Variants in BTAF1 observed in about 807,000 individuals in gnomAD.
The protein encoded by BTAF1 is TATA-binding protein-associated factor 172.
Under a neutral mutation model 227.1 loss-of-function variants are expected in BTAF1, and 38 were observed. That is an observed-to-expected ratio of 0.17 (90% CI 0.13 to 0.22). The LOEUF (loss-of-function observed/expected upper bound fraction) is 0.22, where lower values mean the gene tolerates loss of function less well. Ranked by LOEUF, BTAF1 falls within the 10% of genes least tolerant of loss-of-function variation. The pLI, the probability that BTAF1 is intolerant of heterozygous loss-of-function variation, is 1.00. For missense variants in BTAF1, 1,598 were observed against 2,204.0 expected (o/e 0.73, Z 5.51); for synonymous variants, 742 against 751.9 (o/e 0.99, Z 0.21).
intron 33 of BTAF1, among the ~76,000 whole-genome samples, chr10:92,017,682 A>T (rs1403220524): frequency 1.3e-5 from 2 of 151,714 alleles, no homozygotes; most frequent in Admixed American, 6.6e-5. Flanking sequence ...GCTAATTTTT[A>T]AAAATTTTTT....
At chr10:92,026,535 A>G in intron 35 of BTAF1, 57 bp from the exon 36 acceptor site, 1 of 1,357,882 alleles carries the variant, frequency 7.4e-7, no homozygotes, top group Non-Finnish European at 1.0e-6. Flanking sequence ...TTTTATTAAC[A>G]GTTTCTGTTA....
intron 2 of BTAF1, among the ~76,000 whole-genome samples, chr10:91,938,344 AG>A (rs1844772874): frequency 6.6e-6 from 1 of 152,168 alleles, no homozygotes; most frequent in South Asian, 2.1e-4. Flanking sequence ...GCCTAATCCA[AG>A]GTGACAAAGA....
intron 28 of BTAF1, among the ~76,000 whole-genome samples, chr10:92,010,275 C>T (rs1247561626): frequency 6.6e-6 from 1 of 152,190 alleles, no homozygotes. Flanking sequence ...AACTTGCACT[C>T]TTGAGCAGTT....
At chr10:91,943,923 G>A (rs903965327) in intron 4 of BTAF1, among the ~76,000 whole-genome samples, 4 of 152,128 alleles carry the variant, frequency 2.6e-5, no homozygotes, top group African/African-American at 9.7e-5. Flanking sequence ...GGACGAGACG[G>A]GCAGTTCACC....
At position 91,962,537 on chromosome 10, in the gene BTAF1, G is replaced by T; in HGVS notation, c.1264-1G>T. The T allele has an allele frequency of 6.6e-7, 1 of 1,525,444 alleles. No individual in the cohort carries two copies. Among genetic ancestry groups the T allele is most frequent in the Non-Finnish European group, 9.0e-7 (1 of 1,112,720 alleles). The allele number at this position is 1,525,444 out of a possible 1,614,324, so 94.5% of individuals were successfully genotyped here. A position where few individuals can be genotyped will look rare whatever the true frequency, so the allele number is the denominator to read the frequency against. On this transcript the variant is annotated splice_acceptor_variant, in intron 11 of 37. Transcript: ENST00000265990. LOFTEE classifies it high-confidence loss of function. The stretch of plus-strand genomic sequence containing the variant: ...ATTTATTTTCATGTACTGTTTTACA[G>T]GATGTAATTAATACTTTATTGCCTA...
chr10:91,964,371 C>T (rs896051707), intron 13 of BTAF1, among the ~76,000 whole-genome samples, 170 bp downstream of exon 13: 1 of 152,066 alleles, frequency 6.6e-6, no homozygotes, highest in Non-Finnish European at 1.5e-5. Flanking sequence ...TCTAGCCATT[C>T]GGGCAGCAGC....
chr10:91,978,932 G>T (rs1365855703), intron 14 of BTAF1, among the ~76,000 whole-genome samples: 2 of 149,122 alleles, frequency 1.3e-5, no homozygotes, highest in Non-Finnish European at 3.0e-5. Flanking sequence ...TGCCACCTAG[G>T]TACTAAAGCT....
intron 6 of BTAF1, 46 bp from the exon 7 acceptor site, chr10:91,956,482 A>C: frequency 5.2e-6 from 8 of 1,546,736 alleles, no homozygotes; most frequent in Non-Finnish European, 7.0e-6. Context: ...ATTGTGGTTC[A>C]CATTACGCTT....
rs1851533183 is a variant in BTAF1, at chr10:92,026,588, T to A, written c.5076-4T>A. The stretch of plus-strand genomic sequence containing the variant: ...CTAATTTTATTTTTGTTATCTACTT[T>A]TAGGTTTAATAATGATCCATCTATA... On this transcript the variant is annotated splice_region_variant and splice_polypyrimidine_tract_variant and intron_variant, in intron 35 of 37. Transcript: ENST00000265990. 6.2e-7 allele frequency: 1 copy of A among 1,602,526 alleles called. No homozygotes were observed. The highest frequency in any genetic ancestry group is 1.3e-5 in the African/African-American group (1 of 74,506).
In BTAF1 at chr10:92,008,250, A is replaced by G. The variant is rs1460486408; in HGVS notation, c.3788A>G (p.Asn1263Ser). ...AATTATAAAATTCCAGTACCAATCA[A>G]TGCTGAACTCAGAAAATATCAGCAG... ...LENYKIPVPI[N>S]AELRKYQQDG... The change falls in exon 26 of 38, where the codon AAT (asparagine) becomes AGT (serine). Residue 1263 changes from asparagine (N) to serine (S), a missense_variant. By Grantham distance (46) the Asn-to-Ser change is conservative. Coordinates refer to ENST00000265990, the MANE Select transcript of BTAF1 (RefSeq NM_003972.3). The G allele has an allele frequency of 5.7e-6, 9 of 1,581,356 alleles. No homozygotes were observed. The highest frequency in any genetic ancestry group is 1.4e-5 in the African/African-American group (1 of 72,384).
intron 4 of BTAF1, among the ~76,000 whole-genome samples, chr10:91,948,619 C>T (rs887424138): frequency 8.6e-5 from 13 of 151,056 alleles, no homozygotes; most frequent in East Asian, 2.0e-4. Context: ...TGGCCTCAAG[C>T]GATTCTCCCA....
At chr10:91,942,634 T>G in intron 4 of BTAF1, 66 bp downstream of exon 4, 1 of 1,534,068 alleles carries the variant, frequency 6.5e-7, no homozygotes. Flanking sequence ...CACTGTGGTA[T>G]GCTGTTCATT....
At position 92,031,063 on chromosome 10, in the gene BTAF1, A is replaced by G. The variant is rs1446963249; in HGVS notation, c.*2130A>G. On this transcript the variant is annotated 3_prime_UTR_variant, in exon 38 of 38. Coordinates refer to ENST00000265990, the MANE Select transcript of BTAF1 (RefSeq NM_003972.3). ...TGGGAAGTCAAACAAGCATGATAGA[A>G]TGTTAACTATTTTAAACTGGGAATT... 6.6e-6 allele frequency among the ~76,000 whole-genome samples: 1 copy of G among 152,198 alleles called. No individual in the cohort carries two copies. Among genetic ancestry groups the G allele is most frequent in the Non-Finnish European group, 1.5e-5 (1 of 68,036 alleles).
intron 20 of BTAF1, 134 bp downstream of exon 20, chr10:91,989,714 T>C: frequency 1.1e-6 from 1 of 891,396 alleles, no homozygotes; most frequent in Non-Finnish European, 1.7e-6. Flanking sequence ...AAGGCTTGAT[T>C]ATAACAAAAC....
chr10:91,962,330 A>G (rs1484079332), intron 11 of BTAF1, among the ~76,000 whole-genome samples: 4 of 152,184 alleles, frequency 2.6e-5, no homozygotes, highest in Non-Finnish European at 5.9e-5. Flanking sequence ...TATAGGCTAT[A>G]CTGTTTAGGT....
chr10:91,990,087 G>T (rs946823655), intron 20 of BTAF1, among the ~76,000 whole-genome samples: 1 of 152,178 alleles, frequency 6.6e-6, no homozygotes, highest in Non-Finnish European at 1.5e-5. Flanking sequence ...TTCACTTGGA[G>T]AATTTGTATG....
chr10:91,995,165 G>T (rs758499229), intron 23 of BTAF1, among the ~76,000 whole-genome samples: 60 of 151,972 alleles, frequency 3.9e-4, no homozygotes, highest in Non-Finnish European at 5.4e-4. Context: ...GAATTATCTG[G>T]TTTTTTTCAT....
At chr10:91,928,236 C>T (rs1350936699) in intron 1 of BTAF1, among the ~76,000 whole-genome samples, 1 of 152,074 alleles carries the variant, frequency 6.6e-6, no homozygotes, top group Admixed American at 6.6e-5. Flanking sequence ...CTTGGTTTTA[C>T]TGTACTTTCA....
chr10:91,997,550 G>A, intron 24 of BTAF1, 53 bp from the exon 25 acceptor site: 1 of 1,521,334 alleles, frequency 6.6e-7, no homozygotes, highest in Non-Finnish European at 9.0e-7. Flanking sequence ...CAGTTTGTTT[G>A]TGAAAACATC....
Sources: gnomAD v4.1 joint callset for allele counts (sites outside exome capture counted in the v4.1 genomes callset) on GRCh38, gnomAD v4.1.1 for gene constraint, MANE v1.5 for transcripts, NCBI Gene and HGNC (gene_info 2026-07-23, HGNC 2026-07-21) for gene names.